ARSG: variants seen among roughly 807,000 people sequenced by gnomAD.
The protein encoded by ARSG is arylsulfatase G, also known as ASG.
A neutral mutation model predicts 50.5 loss-of-function variants in ARSG; 37 were observed. The observed-to-expected ratio is 0.73, with a 90% CI of 0.56 to 0.96. ARSG has a LOEUF of 0.96. ARSG is among the 50% of genes least tolerant of loss of function. The pLI is 0.00. For missense variants in ARSG, 629 were observed against 675.3 expected (o/e 0.93, Z 0.76); for synonymous variants, 225 against 254.6 (o/e 0.88, Z 1.11).
At chr17:68,322,925 G>C (rs1555771101) in intron 2 of ARSG, among the ~76,000 whole-genome samples, 2 of 152,132 alleles carry the variant, frequency 1.3e-5, no homozygotes, top group Non-Finnish European at 2.9e-5. Context: ...TTCCTGGCTT[G>C]CAGACGGCCC....
intron 2 of ARSG, among the ~76,000 whole-genome samples, chr17:68,338,239 G>A (rs566649799): frequency 2.6e-5 from 4 of 152,230 alleles, no homozygotes; most frequent in East Asian, 3.9e-4. Context: ...GCGCGTGTGG[G>A]TGTCCCACAC....
At position 68,278,014 on chromosome 17, in the gene ARSG, G is replaced by A. The variant is rs139246850; in HGVS notation, c.-552+18588G>A. The A allele has an allele frequency of 2.1e-3, 2,008 of 949,942 alleles. 5 individuals carry two copies. Among genetic ancestry groups the A allele is most frequent in the African/African-American group, 6.3e-3 (383 of 60,698 alleles). The allele number at this position is 949,942 out of a possible 1,614,324, so 58.8% of individuals were successfully genotyped here. A position where few individuals can be genotyped will look rare whatever the true frequency, so the allele number is the denominator to read the frequency against. ...GGAATGAAAGCATCACAAACACATCGACTACCATTACCAAGGTAGCCAAAT... is the reference window on the plus strand; with the variant it reads ...GGAATGAAAGCATCACAAACACATCAACTACCATTACCAAGGTAGCCAAAT... On this transcript the variant is annotated intron_variant, in intron 1 of 11. Transcript: ENST00000448504.
chr17:68,429,985 A>C, the ARSG span: 1 of 1,614,004 alleles, frequency 6.2e-7, no homozygotes, highest in Non-Finnish European at 8.5e-7. Flanking sequence ...AGTGGGTGTC[A>C]TTGTACGTAC....
At chr17:68,345,729 C>A (rs1281830639) in intron 3 of ARSG, among the ~76,000 whole-genome samples, 1 of 152,182 alleles carries the variant, frequency 6.6e-6, no homozygotes, top group Admixed American at 6.5e-5. Flanking sequence ...TTCCCCCTTT[C>A]ACATTATTCT....
chr17:68,346,506 G>A (rs756124322), intron 3 of ARSG, among the ~76,000 whole-genome samples: 5 of 152,154 alleles, frequency 3.3e-5, no homozygotes, highest in Non-Finnish European at 7.3e-5. Context: ...TCCTCAGAGC[G>A]GAAGAGCAGA....
intron 2 of ARSG, among the ~76,000 whole-genome samples, chr17:68,334,993 A>ATTAT (rs111875457): frequency 3.3e-5 from 5 of 152,054 alleles, no homozygotes; most frequent in African/African-American, 1.2e-4. Context: ...AGTGGCCTTT[A>ATTAT]TTATTTATTT....
intron 2 of ARSG, among the ~76,000 whole-genome samples, chr17:68,315,191 C>A (rs758152): frequency 1.3e-5 from 2 of 152,194 alleles, no homozygotes; most frequent in African/African-American, 4.8e-5. Context: ...CTGGGCAGAA[C>A]TGGGGAATCA....
At chr17:68,434,873 T>C in the ARSG span, among the ~76,000 whole-genome samples, 12,558 of 152,258 alleles carry the variant, frequency 0.082, 679 homozygotes, top group South Asian at 0.21. Context: ...TGTGTGTGCA[T>C]GTGTGTGTTC....
intron 8 of ARSG, among the ~76,000 whole-genome samples, chr17:68,384,420 C>T (rs2080597806): frequency 1.3e-5 from 2 of 152,086 alleles, no homozygotes; most frequent in African/African-American, 4.8e-5. Context: ...ATAGATTGCA[C>T]GTAGTTGTTT....
chr17:68,395,072 G>C lies in ARSG; in HGVS notation c.1092-1G>C, dbSNP rs2147147078. On this transcript the variant is annotated splice_acceptor_variant, in intron 9 of 11. Coordinates refer to ENST00000621439, the MANE Select transcript of ARSG (RefSeq NM_001267727.2). LOFTEE classifies it high-confidence loss of function. ...ACAACTCAGTCTTGTTATTTCCGCAGCGTGCTGGACATTTTTCCAACTGTG... is the reference window on the plus strand; with the variant it reads ...ACAACTCAGTCTTGTTATTTCCGCACCGTGCTGGACATTTTTCCAACTGTG... 2 of 1,613,892 alleles carry C rather than the reference G, an allele frequency of 1.2e-6. No homozygotes were observed. Among genetic ancestry groups the C allele is most frequent in the Non-Finnish European group, 1.7e-6 (2 of 1,179,856 alleles).
chr17:68,295,413 G>A lies in ARSG; in HGVS notation c.-552+3845G>A, dbSNP rs886253081. Among the ~76,000 whole-genome samples, 7 of 151,764 alleles carry A rather than the reference G, an allele frequency of 4.6e-5. No individual in the cohort carries two copies. The East Asian group carries it at 1.4e-3, about 29-fold the overall frequency. The stretch of plus-strand genomic sequence containing the variant: ...GATCAGTACTGAATTTCATTCCTAG[G>A]CTTCTCAGTCTTCATAGTTGACTGC... On this transcript the variant is annotated intron_variant, in intron 1 of 11. Transcript: ENST00000621439.
At chr17:68,333,675 A>AT (rs2077889079) in intron 2 of ARSG, among the ~76,000 whole-genome samples, 3 of 144,870 alleles carry the variant, frequency 2.1e-5, no homozygotes, top group Non-Finnish European at 3.0e-5. Context: ...AATAATAATA[A>AT]AAGAGTAATA....
the ARSG span, among the ~76,000 whole-genome samples, chr17:68,441,556 T>G: frequency 6.6e-6 from 1 of 152,188 alleles, no homozygotes; most frequent in Non-Finnish European, 1.5e-5. Flanking sequence ...AATGTATAAT[T>G]GGCAGGGCGG....
In ARSG at chr17:68,356,649, T is replaced by C; in HGVS notation, c.567-18T>C. 6.2e-7 allele frequency: 1 copy of C among 1,614,160 alleles called. No individual in the cohort carries two copies. On this transcript the variant is annotated intron_variant, in intron 5 of 11. Coordinates refer to ENST00000621439, the MANE Select transcript of ARSG (RefSeq NM_001267727.2). ...TACGTAGGAAATGAATACTCTATGG[T>C]CTGTGGTTTCCACACAGGAACCTTC... is the stretch of plus-strand genomic sequence containing the variant.
intron 9 of ARSG, among the ~76,000 whole-genome samples, chr17:68,388,888 G>A (rs1286528147): frequency 7.0e-6 from 1 of 142,444 alleles, no homozygotes; most frequent in Non-Finnish European, 1.5e-5. Flanking sequence ...TCGCACCACT[G>A]CATTCCAGCC....
the ARSG span, chr17:68,435,847 T>C: frequency 1.3e-6 from 1 of 766,438 alleles, no homozygotes; most frequent in South Asian, 1.7e-5. Flanking sequence ...CCCCAGGCCA[T>C]CTGCATGTAA....
intron 9 of ARSG, among the ~76,000 whole-genome samples, chr17:68,390,528 A>G (rs1404396573): frequency 2.0e-5 from 3 of 152,030 alleles, no homozygotes; most frequent in African/African-American, 7.2e-5. Flanking sequence ...CCTTGTCACA[A>G]CCAAAAAGCC....
intron 2 of ARSG, among the ~76,000 whole-genome samples, chr17:68,329,384 C>T (rs1014973616): frequency 6.6e-5 from 10 of 152,156 alleles, no homozygotes; most frequent in Admixed American, 5.9e-4. Flanking sequence ...GATATTTGTG[C>T]CCCTTTCCAA....
chr17:68,362,577 G>A (rs1018468010), intron 6 of ARSG, among the ~76,000 whole-genome samples: 3 of 151,860 alleles, frequency 2.0e-5, no homozygotes, highest in South Asian at 2.1e-4. Context: ...TCTCTCCTAC[G>A]GGCTGAGTAT....
Sources: gnomAD v4.1 joint callset for allele counts (sites outside exome capture counted in the v4.1 genomes callset) on GRCh38, gnomAD v4.1.1 for gene constraint, MANE v1.5 for transcripts, NCBI Gene and HGNC (gene_info 2026-07-23, HGNC 2026-07-21) for gene names.